RNF220: variants seen among roughly 807,000 people sequenced by gnomAD.
The protein encoded by RNF220 is E3 ubiquitin-protein ligase RNF220.
In RNF220, 7 loss-of-function variants were observed where a neutral mutation model predicts 67.1. The ratio of observed to expected loss-of-function variants is 0.10; its 90% CI spans 0.06 to 0.20. The LOEUF is 0.20. RNF220 is among the 10% of genes least tolerant of loss of function. The pLI, the probability that RNF220 is intolerant of heterozygous loss-of-function variation, is 1.00. For synonymous variants in RNF220, 270 were observed against 283.2 expected (o/e 0.95, Z 0.47); for missense variants, 565 against 740.3 (o/e 0.76, Z 2.75).
intron 2 of RNF220, among the ~76,000 whole-genome samples, chr1:44,612,889 C>G (rs1024303664): frequency 6.6e-6 from 1 of 152,178 alleles, no homozygotes; most frequent in Non-Finnish European, 1.5e-5. Context: ...CTGATTTTGA[C>G]CCCCTCCAGG....
At chr1:44,629,975 G>T (rs890414830) in intron 5 of RNF220, among the ~76,000 whole-genome samples, 1 of 152,268 alleles carries the variant, frequency 6.6e-6, no homozygotes, top group African/African-American at 2.4e-5. Context: ...AAGCAACCCA[G>T]AGACTAGCTG....
At chr1:44,479,474 C>T (rs951457660) in intron 2 of RNF220, among the ~76,000 whole-genome samples, 4 of 151,890 alleles carry the variant, frequency 2.6e-5, no homozygotes, top group Non-Finnish European at 5.9e-5. Context: ...CAAGCCACAC[C>T]CACAATTTTT....
At chr1:44,646,516 G>A (rs55787877) in intron 12 of RNF220, among the ~76,000 whole-genome samples, 4 of 152,236 alleles carry the variant, frequency 2.6e-5, no homozygotes, top group Admixed American at 2.6e-4. Context: ...GAGGAATGAC[G>A]TATGGATGTT....
At chr1:44,513,011 T>C (rs749465737) in intron 2 of RNF220, among the ~76,000 whole-genome samples, 53 of 152,112 alleles carry the variant, frequency 3.5e-4, no homozygotes, top group Non-Finnish European at 6.5e-4. Flanking sequence ...CATTTTGCCT[T>C]TTGCTAGCAG....
chr1:44,533,445 C>A (rs1034998664), intron 2 of RNF220, among the ~76,000 whole-genome samples: 1 of 151,824 alleles, frequency 6.6e-6, no homozygotes, highest in African/African-American at 2.4e-5. Flanking sequence ...CCTGATGGCA[C>A]CACTGAACTC....
chr1:44,442,618 A>T (rs950614406), intron 2 of RNF220, among the ~76,000 whole-genome samples: 9 of 150,940 alleles, frequency 6.0e-5, no homozygotes, highest in African/African-American at 1.7e-4. Context: ...AGGTTCAAGC[A>T]ATCCTCCCAG....
Position 44,411,985 on chromosome 1 carries a change from T to C in RNF220, c.-113T>C, listed in dbSNP as rs1648014428. 3 of 1,232,178 alleles carry C rather than the reference T, an allele frequency of 2.4e-6. No individual in the cohort carries two copies. Among genetic ancestry groups the C allele is most frequent in the Non-Finnish European group, 3.4e-6 (3 of 882,640 alleles). 76.3% of individuals were successfully genotyped at this position (1,232,178 alleles called of 1,614,324 possible). On this transcript the variant is annotated 5_prime_UTR_variant, in exon 2 of 15. Coordinates refer to ENST00000361799, the MANE Select transcript of RNF220 (RefSeq NM_018150.4). ...TTCTCTTTGCTGTTTCTACAGGTCT[T>C]AGGAGGGAATGATTCCCCAGTAATA... is the stretch of plus-strand genomic sequence containing the variant.
At position 44,614,286 on chromosome 1, in the gene RNF220, A is replaced by G. The variant is rs774912019; in HGVS notation, c.747A>G (p.Gln249=). ...HMEQELEQLA[Q]LPSSKNSLLK... ...AGCAGGAACTGGAGCAGCTAGCCCA[A>G]CTGCCCTCGAGGTAAGCCACCTCCC... is the stretch of plus-strand genomic sequence containing the variant. Residue 249 remains glutamine (Q), a synonymous_variant, in exon 3 of 15, where the codon CAA becomes CAG. Transcript: ENST00000361799. The G allele has an allele frequency of 2.0e-5, 32 of 1,613,776 alleles. No homozygotes were observed. Among genetic ancestry groups the G allele is most frequent in the Non-Finnish European group, 2.6e-5 (31 of 1,179,872 alleles).
At position 44,626,414 on chromosome 1, in the gene RNF220, G is replaced by T. The variant is rs771610232; in HGVS notation, c.906+16G>T. The T allele has an allele frequency of 8.1e-6, 13 of 1,598,168 alleles. No individual in the cohort carries two copies. In the South Asian group the frequency reaches 1.3e-4, roughly 16 times the overall value. ...CAGATACCAGGTGAGGAGGGGTGGT[G>T]AGTGGCCATGAGAAGCAAGCTCACC... On this transcript the variant is annotated intron_variant, in intron 5 of 14. Transcript: ENST00000361799.
chr1:44,473,115 A>G (rs1312782707), intron 2 of RNF220, among the ~76,000 whole-genome samples: 3 of 152,142 alleles, frequency 2.0e-5, no homozygotes, highest in African/African-American at 7.2e-5. Flanking sequence ...GGGCAGAGGA[A>G]TAGCAGCCGT....
chr1:44,578,901 C>T (rs951869647), intron 2 of RNF220, among the ~76,000 whole-genome samples: 5 of 152,182 alleles, frequency 3.3e-5, no homozygotes, highest in African/African-American at 1.2e-4. Flanking sequence ...TGCGGTGGCT[C>T]ACGCCTGTAA....
intron 3 of RNF220, among the ~76,000 whole-genome samples, chr1:44,615,462 C>T (rs571042849): frequency 8.5e-5 from 13 of 152,258 alleles, no homozygotes; most frequent in Non-Finnish European, 1.5e-4. Flanking sequence ...TACTGAGGGA[C>T]GGTCTGCCCC....
rs1365741051 is a variant in RNF220, at chr1:44,565,813, G to A, written c.626-48352G>A. Among the ~76,000 whole-genome samples, 2 of 152,040 alleles carry A rather than the reference G, an allele frequency of 1.3e-5. No individual in the cohort carries two copies. The highest frequency in any genetic ancestry group is 1.9e-4 in the East Asian group (1 of 5,188). On this transcript the variant is annotated intron_variant, in intron 2 of 14. Transcript: ENST00000361799. This position sits in a 1 kb window ranked among gnomAD's most constrained non-coding sequence, Gnocchi z 4.2. ...ACTGGATCTGGAGACTCCCATCCCC[G>A]TCCTGCAACCCAGTCCTCCTGCTGC...
chr1:44,506,470 G>A (rs764772708), intron 2 of RNF220, among the ~76,000 whole-genome samples: 15 of 152,362 alleles, frequency 9.8e-5, no homozygotes, highest in Admixed American at 6.5e-4. Context: ...GCAGGGGTGG[G>A]GTGAGGGCCT....
chr1:44,641,600 C>T (rs1019658334), intron 8 of RNF220, among the ~76,000 whole-genome samples: 1 of 152,220 alleles, frequency 6.6e-6, no homozygotes, highest in Non-Finnish European at 1.5e-5. Flanking sequence ...GGCGGGGGCG[C>T]TGTCTGCATA....
chr1:44,438,710 C>A (rs1340512808), intron 2 of RNF220, among the ~76,000 whole-genome samples: 4 of 152,194 alleles, frequency 2.6e-5, no homozygotes, highest in Non-Finnish European at 2.9e-5. Context: ...TGGACAACCT[C>A]CCGCTGGCTA....
chr1:44,574,522 T>C (rs921572835), intron 2 of RNF220, among the ~76,000 whole-genome samples: 2 of 152,156 alleles, frequency 1.3e-5, no homozygotes, highest in African/African-American at 4.8e-5. Context: ...CTTTAATACA[T>C]TTACTTAGAG....
chr1:44,497,834 G>T (rs560074069), intron 2 of RNF220, among the ~76,000 whole-genome samples: 1 of 152,308 alleles, frequency 6.6e-6, no homozygotes, highest in Middle Eastern at 3.4e-3. Context: ...TCTTTCTGCT[G>T]GAAGTTGCTT....
chr1:44,421,448 T>C (rs984922546), intron 2 of RNF220, among the ~76,000 whole-genome samples: 2 of 152,120 alleles, frequency 1.3e-5, no homozygotes, highest in African/African-American at 4.8e-5. Context: ...CCCTCTTGCC[T>C]ATGTGAGACA....
Sources: gnomAD v4.1 joint callset for allele counts (sites outside exome capture counted in the v4.1 genomes callset) on GRCh38, gnomAD v4.1.1 for gene constraint, Gnocchi (gnomAD v3.1) non-coding constraint, MANE v1.5 for transcripts, NCBI Gene and HGNC (gene_info 2026-07-23, HGNC 2026-07-21) for gene names.